SPATA9: variants seen among roughly 807,000 people sequenced by gnomAD.
The protein encoded by SPATA9 is spermatogenesis-associated protein 9.
In SPATA9, 27 loss-of-function variants were observed where a neutral mutation model predicts 25.5. The observed-to-expected ratio is 1.06, with a 90% CI of 0.78 to 1.46. SPATA9 has a LOEUF of 1.46. SPATA9 is among the 40% of genes most tolerant of loss of function. SPATA9 has a pLI of 0.00. For missense variants in SPATA9, 282 were observed against 297.5 expected (o/e 0.95, Z 0.38); for synonymous variants, 102 against 105.7 (o/e 0.97, Z 0.21).
chr5:95,674,815 G>T (rs1014075600), intron 3 of SPATA9: 5 of 456,302 alleles, frequency 1.1e-5, no homozygotes, highest in Non-Finnish European at 2.2e-5. Flanking sequence ...AAATTAATTT[G>T]TCCTGCAGTT....
At chr5:95,731,365 G>A in the SPATA9 span, 1 of 1,144,452 alleles carries the variant, frequency 8.7e-7, no homozygotes, top group Non-Finnish European at 1.1e-6. Context: ...CAGCCGAGGA[G>A]GCGCGGCGGA....
At chr5:95,679,074 A>G (rs1391863359) in intron 2 of SPATA9, among the ~76,000 whole-genome samples, 1 of 152,374 alleles carries the variant, frequency 6.6e-6, no homozygotes, top group South Asian at 2.1e-4. Context: ...TGATGTCACC[A>G]TAAACCATGC....
chr5:95,675,636 T>G lies in SPATA9; in HGVS notation c.154A>C (p.Arg52=), dbSNP rs141715345. 2.3e-5 allele frequency: 37 copies of G among 1,613,456 alleles called. No individual in the cohort carries two copies. The highest frequency in any genetic ancestry group is 3.1e-5 in the Non-Finnish European group (36 of 1,179,842). The change falls in exon 3 of 5, where the codon AGA becomes CGA. Residue 52 remains arginine (R), a synonymous_variant. Transcript: ENST00000274432. ...ILRLSQSNQK[R]EPAQKTSKIR... ...TTGGATGTTTTCTGCGCAGGTTCTCTTTTCTGAAAAATAGGCCTTTGAAAA... is the reference window on the plus strand; with the variant it reads ...TTGGATGTTTTCTGCGCAGGTTCTCGTTTCTGAAAAATAGGCCTTTGAAAA...
chr5:95,718,884 A>G, the SPATA9 span, among the ~76,000 whole-genome samples: 3 of 152,184 alleles, frequency 2.0e-5, no homozygotes, highest in Admixed American at 2.0e-4. Flanking sequence ...GGAGAGCACA[A>G]GCAGGGAACA....
chr5:95,682,816 C>T lies in SPATA9; in HGVS notation c.39G>A (p.Val13=), dbSNP rs1753581060. ...TACTTCTTCCAGAAAAGTTCTTCAA[C>T]ACCTGCCCACATATCCACCCAACAG... The part of the protein sequence containing the change: ...IKPVGWICGQ[V]LKNFSGRIEG... The change falls in exon 1 of 5, where the codon GTG becomes GTA. Residue 13 remains valine (V), a synonymous_variant. Transcript: ENST00000274432. 1.9e-6 allele frequency: 3 copies of T among 1,549,576 alleles called. No homozygotes were observed. The highest frequency in any genetic ancestry group is 2.6e-5 in the South Asian group (2 of 77,518).
intron 4 of SPATA9, among the ~76,000 whole-genome samples, chr5:95,662,998 CTT>C (rs998263715): frequency 2.0e-5 from 3 of 152,184 alleles, no homozygotes; most frequent in Non-Finnish European, 2.9e-5. Flanking sequence ...TTAGAAAACT[CTT>C]TGGCAATATC....
intron 1 of SPATA9, among the ~76,000 whole-genome samples, chr5:95,690,552 G>A (rs906946260): frequency 6.6e-6 from 1 of 152,166 alleles, no homozygotes; most frequent in African/African-American, 2.4e-5. Flanking sequence ...TCTTAGTTGT[G>A]ATGATTTGGG....
At position 95,675,399 on chromosome 5, in the gene SPATA9, A is replaced by C; in HGVS notation, c.378+13T>G. ...TAAAAAAGGGGAATTGTGCATATGC[A>C]GTATTCCCTTACCTGAATGTTATAT... On this transcript the variant is annotated intron_variant, in intron 3 of 4. Transcript: ENST00000274432. 6.3e-7 allele frequency: 1 copy of C among 1,597,346 alleles called. No individual in the cohort carries two copies. The highest frequency in any genetic ancestry group is 8.5e-7 in the Non-Finnish European group (1 of 1,171,450).
intron 1 of SPATA9, among the ~76,000 whole-genome samples, chr5:95,688,347 G>A (rs1416145090): frequency 1.3e-5 from 2 of 152,114 alleles, no homozygotes; most frequent in African/African-American, 4.8e-5. Flanking sequence ...CAAACTCCTG[G>A]TTTCAAATGA....
chr5:95,687,696 T>C (rs1245737476), upstream of SPATA9, among the ~76,000 whole-genome samples: 3 of 152,190 alleles, frequency 2.0e-5, no homozygotes, highest in Admixed American at 2.0e-4. Flanking sequence ...AGTAACAGGC[T>C]ATATAGAGGA....
chr5:95,678,371 C>T (rs1436476456), intron 2 of SPATA9, among the ~76,000 whole-genome samples: 1 of 151,924 alleles, frequency 6.6e-6, no homozygotes, highest in Non-Finnish European at 1.5e-5. Context: ...AGCGAGACTC[C>T]ATCTCAAAAA....
intron 1 of SPATA9, among the ~76,000 whole-genome samples, chr5:95,688,985 T>C (rs1193714097): frequency 1.3e-5 from 2 of 152,192 alleles, no homozygotes; most frequent in Non-Finnish European, 2.9e-5. Flanking sequence ...CTAACATATA[T>C]GTAAATGCAA....
intron 1 of SPATA9, among the ~76,000 whole-genome samples, chr5:95,694,760 A>C (rs1378078389): frequency 6.6e-6 from 1 of 152,242 alleles, no homozygotes; most frequent in South Asian, 2.1e-4. Flanking sequence ...CCACTTTGAC[A>C]TAAGAATTAT....
chr5:95,722,082 T>C, the SPATA9 span, among the ~76,000 whole-genome samples: 1 of 152,072 alleles, frequency 6.6e-6, no homozygotes, highest in Non-Finnish European at 1.5e-5. Flanking sequence ...TCAGGGGAAA[T>C]GATCTGTGAT....
upstream of SPATA9, among the ~76,000 whole-genome samples, chr5:95,683,630 C>T (rs549334449): frequency 1.6e-4 from 24 of 152,230 alleles, no homozygotes; most frequent in Non-Finnish European, 2.5e-4. Context: ...CTCAGCCTCC[C>T]GGGTTCACAC....
intron 3 of SPATA9, among the ~76,000 whole-genome samples, chr5:95,665,749 TG>T (rs1561398702): frequency 6.6e-6 from 1 of 152,134 alleles, no homozygotes; most frequent in African/African-American, 2.4e-5. Flanking sequence ...CCAAGGCAGG[TG>T]GATCACCTGA....
chr5:95,672,244 A>G lies in SPATA9; in HGVS notation c.378+3168T>C, dbSNP rs1752455296. On this transcript the variant is annotated intron_variant, in intron 3 of 4. Coordinates refer to ENST00000274432, the MANE Select transcript of SPATA9 (RefSeq NM_031952.4). ...AACAATTGCATCCACCAGAACAGGA[A>G]AAAAGGAAGCTGGTCTCCATGTGGG... Among the ~76,000 whole-genome samples the G allele has an allele frequency of 3.9e-5, 6 of 152,328 alleles. No individual in the cohort carries two copies. In the South Asian group the frequency reaches 1.2e-3, roughly 32 times the overall value.
chr5:95,659,922 C>CT (rs1751111796), intron 4 of SPATA9, among the ~76,000 whole-genome samples: 1 of 152,292 alleles, frequency 6.6e-6, no homozygotes, highest in Non-Finnish European at 1.5e-5. Flanking sequence ...TATAGACTGT[C>CT]TTTTCCCTCT....
At chr5:95,712,872 C>A in the SPATA9 span, among the ~76,000 whole-genome samples, 1 of 151,810 alleles carries the variant, frequency 6.6e-6, no homozygotes, top group Non-Finnish European at 1.5e-5. Flanking sequence ...ACAGGGAATG[C>A]CTTTTCCATG....
Sources: gnomAD v4.1 joint callset for allele counts (sites outside exome capture counted in the v4.1 genomes callset) on GRCh38, gnomAD v4.1.1 for gene constraint, MANE v1.5 for transcripts, NCBI Gene and HGNC (gene_info 2026-07-23, HGNC 2026-07-21) for gene names.